Variants in CRYL1 observed in about 807,000 individuals in gnomAD.
The protein encoded by CRYL1 is crystallin lambda 1.
A neutral mutation model predicts 36.6 loss-of-function variants in CRYL1; 29 were observed. That is an observed-to-expected ratio of 0.79 (90% CI 0.59 to 1.08). CRYL1 has a LOEUF of 1.08. CRYL1 is among the 50% of genes least tolerant of loss of function. The probability of loss-of-function intolerance (pLI) is 0.00; values close to 1 mark genes in which losing one functional copy is unlikely to be tolerated. For synonymous variants in CRYL1, 152 were observed against 151.5 expected (o/e 1.00, Z -0.02); for missense variants, 411 against 407.9 (o/e 1.01, Z -0.06).
chr13:20,410,536 T>TA (rs1555225860), intron 6 of CRYL1, among the ~76,000 whole-genome samples: 2 of 151,850 alleles, frequency 1.3e-5, no homozygotes, highest in African/African-American at 2.4e-5. Flanking sequence ...AGTATAATAA[T>TA]AATAAATAAA....
intron 3 of CRYL1, among the ~76,000 whole-genome samples, chr13:20,454,747 C>G (rs761717725): frequency 6.6e-6 from 1 of 152,128 alleles, no homozygotes; most frequent in South Asian, 2.1e-4. Flanking sequence ...AAACTCTCAG[C>G]AATCTAGGAA....
chr13:20,420,699 G>GTTTTTTTTTTTTTTTTTTTTT lies in CRYL1; in HGVS notation c.634-7313_634-7312insAAAAAAAAAAAAAAAAAAAAA, dbSNP rs2031779475. Among the ~76,000 whole-genome samples the GTTTTTTTTTTTTTTTTTTTTT allele has an allele frequency of 9.0e-5, 2 of 22,100 alleles. 1 individual carries two copies. Among genetic ancestry groups the GTTTTTTTTTTTTTTTTTTTTT allele is most frequent in the Non-Finnish European group, 2.2e-4 (2 of 9,100 alleles). 14.5% of individuals were successfully genotyped at this position (22,100 alleles called of 152,430 possible). A position where few individuals can be genotyped will look rare whatever the true frequency, so the allele number is the denominator to read the frequency against. On this transcript the variant is annotated intron_variant, in intron 5 of 7. Transcript: ENST00000298248. ...CCCTTTGACTTTTCTTTAAAATAGA[G>GTTTTTTTTTTTTTTTTTTTTT]GTTGTGTGTGTGTGTGTGTGTGTGT...
At chr13:20,496,117 C>G (rs1157801313) in intron 2 of CRYL1, among the ~76,000 whole-genome samples, 3 of 152,158 alleles carry the variant, frequency 2.0e-5, no homozygotes, top group Non-Finnish European at 4.4e-5. Flanking sequence ...GAACTTTTTA[C>G]TTAACATTAT....
At chr13:20,510,333 C>T (rs1051121498) in intron 2 of CRYL1, among the ~76,000 whole-genome samples, 1 of 152,100 alleles carries the variant, frequency 6.6e-6, no homozygotes, top group East Asian at 1.9e-4. Flanking sequence ...CAAGCTCAAG[C>T]CATGAAAAGA....
chr13:20,495,307 C>T (rs1278362652), intron 2 of CRYL1, among the ~76,000 whole-genome samples: 1 of 152,164 alleles, frequency 6.6e-6, no homozygotes, highest in Admixed American at 6.5e-5. Context: ...TGTGCCAGTT[C>T]TACCTCTAGA....
intron 3 of CRYL1, among the ~76,000 whole-genome samples, chr13:20,479,640 C>T (rs142537729): frequency 6.6e-6 from 1 of 152,104 alleles, no homozygotes; most frequent in African/African-American, 2.4e-5. Flanking sequence ...ACTATCATTA[C>T]AATTATAAAT....
chr13:20,483,048 A>G (rs2137463238), intron 3 of CRYL1, among the ~76,000 whole-genome samples: 1 of 152,194 alleles, frequency 6.6e-6, no homozygotes, highest in South Asian at 2.1e-4. Flanking sequence ...AGTTACCAGG[A>G]AGGGGAAGGA....
intron 3 of CRYL1, among the ~76,000 whole-genome samples, chr13:20,453,097 A>G (rs753756919): frequency 6.6e-6 from 1 of 152,242 alleles, no homozygotes; most frequent in Non-Finnish European, 1.5e-5. Flanking sequence ...GAATAACATT[A>G]TCAACCAACT....
intron 3 of CRYL1, among the ~76,000 whole-genome samples, chr13:20,464,461 C>T (rs35148353): frequency 0.28 from 43,193 of 152,116 alleles, 6,638 homozygotes; most frequent in Middle Eastern, 0.38. Context: ...CTGTTATTTT[C>T]TGATTGTTAG....
At chr13:20,406,490 G>A (rs2031380911) in intron 6 of CRYL1, among the ~76,000 whole-genome samples, 1 of 152,166 alleles carries the variant, frequency 6.6e-6, no homozygotes, top group African/African-American at 2.4e-5. Context: ...TATAAAAGAA[G>A]GGGTGTCATC....
chr13:20,466,355 C>T (rs1007744200), intron 3 of CRYL1, among the ~76,000 whole-genome samples: 31 of 152,094 alleles, frequency 2.0e-4, no homozygotes, highest in Admixed American at 2.0e-4. Context: ...CATAAAAGGA[C>T]ACTATAGACA....
rs116776344 is a variant in CRYL1, at chr13:20,431,509, G to A, written c.633+593C>T. Reference sequence around the variant, plus strand: ...CTGACCTATCTCCTCCAGGCACCACGGCCCCTCATGCAAATGTACACGAGA... The same window carrying A: ...CTGACCTATCTCCTCCAGGCACCACAGCCCCTCATGCAAATGTACACGAGA... On this transcript the variant is annotated intron_variant, in intron 5 of 7. Coordinates refer to ENST00000298248, the MANE Select transcript of CRYL1 (RefSeq NM_015974.3). 7.7e-4 allele frequency: 768 copies of A among 997,596 alleles called. 6 individuals are homozygous for A. In the African/African-American group the frequency reaches 0.012, roughly 15 times the overall value. 61.8% of individuals were successfully genotyped at this position (997,596 alleles called of 1,614,324 possible). A position where few individuals can be genotyped will look rare whatever the true frequency, so the allele number is the denominator to read the frequency against.
intron 1 of CRYL1, among the ~76,000 whole-genome samples, chr13:20,515,056 GACA>G (rs918963767): frequency 2.6e-5 from 4 of 152,262 alleles, no homozygotes; most frequent in African/African-American, 4.8e-5. Flanking sequence ...GATGAATGTT[GACA>G]ACATTATGCT....
In CRYL1 at chr13:20,415,474, C is replaced by A. The variant is rs2031638690; in HGVS notation, c.634-2087G>T. On this transcript the variant is annotated intron_variant, in intron 5 of 7. Coordinates refer to ENST00000298248, the MANE Select transcript of CRYL1 (RefSeq NM_015974.3). The surrounding 1 kb of genome is among the most constrained non-coding windows in gnomAD (Gnocchi z 4.1). ...GTCTGCAGAGAGCGCGGCGGTGAAG[C>A]GGGAGCAGGCGGCCTGGCCCAGGAG... 1.3e-5 allele frequency among the ~76,000 whole-genome samples: 2 copies of A among 152,172 alleles called. No individual in the cohort carries two copies. Among genetic ancestry groups the A allele is most frequent in the Non-Finnish European group, 2.9e-5 (2 of 68,004 alleles).
chr13:20,464,762 T>C (rs1444447426), intron 3 of CRYL1, among the ~76,000 whole-genome samples: 1 of 152,244 alleles, frequency 6.6e-6, no homozygotes, highest in Non-Finnish European at 1.5e-5. Flanking sequence ...CTTTGTTCAT[T>C]GCATCTGCCT....
At chr13:20,480,820 A>G (rs2033262868) in intron 3 of CRYL1, among the ~76,000 whole-genome samples, 1 of 152,190 alleles carries the variant, frequency 6.6e-6, no homozygotes, top group Non-Finnish European at 1.5e-5. Flanking sequence ...ACTTTATTTT[A>G]CTGTCCTTCT....
intron 4 of CRYL1, 79 bp downstream of exon 4, chr13:20,439,514 C>CAAAAAAAAAAAAAGAAAAAAAAAAA: frequency 3.0e-6 from 1 of 330,902 alleles, no homozygotes; most frequent in Non-Finnish European, 4.6e-6. Context: ...CCCTCCCCCG[C>CAAAAAAAAAAAAAGAAAAAAAAAAA]AAAAAAAAAA....
intron 5 of CRYL1, chr13:20,431,189 A>T (rs1195841429): frequency 1.0e-6 from 1 of 985,288 alleles, no homozygotes; most frequent in Non-Finnish European, 1.2e-6. Context: ...CACTCAAGGA[A>T]GCTGGGGCAC....
chr13:20,488,205 G>T (rs1241147108), intron 3 of CRYL1, among the ~76,000 whole-genome samples: 1 of 152,152 alleles, frequency 6.6e-6, no homozygotes, highest in African/African-American at 2.4e-5. Flanking sequence ...CCAAGACCAG[G>T]CCTGGAGAAC....
Sources: gnomAD v4.1 joint callset for allele counts (sites outside exome capture counted in the v4.1 genomes callset) on GRCh38, gnomAD v4.1.1 for gene constraint, Gnocchi (gnomAD v3.1) non-coding constraint, MANE v1.5 for transcripts, NCBI Gene and HGNC (gene_info 2026-07-23, HGNC 2026-07-21) for gene names.